MAPK8: variants seen among roughly 807,000 people sequenced by gnomAD.
MAPK8 encodes JUN N-terminal kinase.
In MAPK8, 13 loss-of-function variants were observed where a neutral mutation model predicts 52.9. That is an observed-to-expected ratio of 0.25 (90% CI 0.16 to 0.39). The LOEUF is 0.39. Ranked by LOEUF, MAPK8 falls within the 10% of genes least tolerant of loss-of-function variation. The probability of loss-of-function intolerance (pLI) is 1.00; values close to 1 mark genes in which losing one functional copy is unlikely to be tolerated. For missense variants in MAPK8, 300 were observed against 519.2 expected, an observed-to-expected ratio of 0.58 and a Z score of 4.10; for synonymous variants, 191 against 169.8, an observed-to-expected ratio of 1.12 and a Z score of -0.97.
rs188878689 is a variant in MAPK8 at position 48,386,026 on chromosome 10, G to A, written c.-49-15586G>A. On this transcript the variant is annotated intron_variant, in intron 1 of 11. Transcript: ENST00000374189. The stretch of plus-strand genomic sequence containing the variant: ...GATAAACTAGCAATAAGTATATGTG[G>A]TATCAACTAATATGAAAAAAATTAT... Among the ~76,000 whole-genome samples, 10 of 152,108 alleles carry A rather than the reference G, an allele frequency of 6.6e-5. No individual in the cohort carries two copies. The East Asian group carries it at 1.7e-3, about 26-fold the overall frequency.
intron 1 of MAPK8, among the ~76,000 whole-genome samples, chr10:48,309,435 A>G (rs1176428737): frequency 6.6e-6 from 1 of 152,236 alleles, no homozygotes; most frequent in Non-Finnish European, 1.5e-5. Context: ...CTCCTTTTAA[A>G]TGTCCTGTCC....
intron 1 of MAPK8, among the ~76,000 whole-genome samples, chr10:48,376,697 G>A (rs1393489235): frequency 6.6e-6 from 1 of 152,206 alleles, no homozygotes; most frequent in African/African-American, 2.4e-5. Context: ...TCTCACTCCA[G>A]TTAGAATGGC....
chr10:48,426,210 T>C, intron 8 of MAPK8, 140 bp downstream of exon 8: 1 of 918,436 alleles, frequency 1.1e-6, no homozygotes, highest in Admixed American at 3.5e-5. Context: ...AAAAATGAGG[T>C]TTTTGTTTTT....
At chr10:48,371,112 C>G (rs1165115924) in intron 1 of MAPK8, among the ~76,000 whole-genome samples, 1 of 152,066 alleles carries the variant, frequency 6.6e-6, no homozygotes, top group East Asian at 1.9e-4. Context: ...AACTGACTTT[C>G]TGAGAGTATG....
chr10:48,395,499 A>G (rs2041841663), intron 1 of MAPK8, among the ~76,000 whole-genome samples: 1 of 152,084 alleles, frequency 6.6e-6, no homozygotes, highest in African/African-American at 2.4e-5. Flanking sequence ...ATGATTTCTT[A>G]GACATACAGA....
intron 1 of MAPK8, among the ~76,000 whole-genome samples, chr10:48,321,321 A>G (rs1337564137): frequency 1.3e-5 from 2 of 152,034 alleles, no homozygotes; most frequent in African/African-American, 4.8e-5. Flanking sequence ...CCTGGGCTCA[A>G]GTGATCCTCC....
chr10:48,426,681 C>A, intron 9 of MAPK8, 177 bp downstream of exon 9: 1 of 620,382 alleles, frequency 1.6e-6, no homozygotes, highest in Non-Finnish European at 2.6e-6. Context: ...CGAGCCCCTC[C>A]TACACAAAAT....
At chr10:48,346,487 G>A (rs1036794018) in intron 1 of MAPK8, among the ~76,000 whole-genome samples, 3 of 152,240 alleles carry the variant, frequency 2.0e-5, no homozygotes, top group East Asian at 1.9e-4. Flanking sequence ...CAGGCGGATC[G>A]TGGTCCAGCA....
chr10:48,435,059 T>TCG lies in MAPK8; in HGVS notation c.*30_*31insCG. ...TTGGGCCATCGGGGGGTGGGAGGGA[T>TCG]GGGGAGTCGGTTAGTCATTGATAGA... On this transcript the variant is annotated 3_prime_UTR_variant, in exon 12 of 12. Coordinates refer to ENST00000374189, the MANE Select transcript of MAPK8 (RefSeq NM_001323329.2). The TCG allele has an allele frequency of 2.0e-5, 9 of 447,996 alleles. No individual in the cohort carries two copies. Among genetic ancestry groups the TCG allele is most frequent in the Non-Finnish European group, 3.9e-5 (9 of 230,980 alleles). The allele number at this position is 447,996 out of a possible 1,614,324, so 27.8% of individuals were successfully genotyped here.
At chr10:48,375,391 G>A (rs571750771) in intron 1 of MAPK8, among the ~76,000 whole-genome samples, 4 of 152,238 alleles carry the variant, frequency 2.6e-5, no homozygotes, top group African/African-American at 9.6e-5. Flanking sequence ...TCTGGCCAGG[G>A]CAATCAGGCA....
At chr10:48,401,487 A>T in intron 1 of MAPK8, 125 bp from the exon 2 acceptor site, 1 of 552,026 alleles carries the variant, frequency 1.8e-6, no homozygotes, top group Non-Finnish European at 3.2e-6. Flanking sequence ...TATGTTTTTT[A>T]ATGAAGCAGC....
intron 1 of MAPK8, among the ~76,000 whole-genome samples, chr10:48,359,303 A>T (rs564120955): frequency 1.1e-3 from 168 of 152,160 alleles, no homozygotes; most frequent in African/African-American, 3.9e-3. Context: ...TTCATTTTTT[A>T]AATTAATTTA....
At chr10:48,392,173 G>A (rs976590472) in intron 1 of MAPK8, among the ~76,000 whole-genome samples, 2 of 152,160 alleles carry the variant, frequency 1.3e-5, no homozygotes, top group Non-Finnish European at 2.9e-5. Context: ...TAGCCTTTCT[G>A]TGCAGCATTC....
Position 48,437,188 on chromosome 10 carries a change from A to G in MAPK8, c.*2159A>G, listed in dbSNP as rs1347919596. On this transcript the variant is annotated 3_prime_UTR_variant, in exon 12 of 12. Transcript: ENST00000374189. ...AACAAACTCTCATTACTTAGTGTAA[A>G]CTAAAATACTTAACAAATTATATCC... The G allele has an allele frequency of 6.6e-6, 1 of 152,254 alleles. No homozygotes were observed. The highest frequency in any genetic ancestry group is 1.9e-4 in the East Asian group (1 of 5,204). 9.4% of individuals were successfully genotyped at this position (152,254 alleles called of 1,614,324 possible). A position where few individuals can be genotyped will look rare whatever the true frequency, so the allele number is the denominator to read the frequency against.
At chr10:48,429,245 G>T (rs954574337) in intron 10 of MAPK8, among the ~76,000 whole-genome samples, 2 of 152,126 alleles carry the variant, frequency 1.3e-5, no homozygotes, top group African/African-American at 2.4e-5. Context: ...AACACCTTCG[G>T]TTGTACAGCA....
chr10:48,396,484 A>G (rs2041893726), intron 1 of MAPK8, among the ~76,000 whole-genome samples: 1 of 152,204 alleles, frequency 6.6e-6, no homozygotes, highest in South Asian at 2.1e-4. Context: ...GATCTTTCAC[A>G]CATTGCTGGT....
chr10:48,346,745 A>G (rs1357737784), intron 1 of MAPK8, among the ~76,000 whole-genome samples: 1 of 152,180 alleles, frequency 6.6e-6, no homozygotes, highest in Non-Finnish European at 1.5e-5. Context: ...TCTGCCTTCC[A>G]GATAGCAGTA....
chr10:48,311,391 G>T (rs1841973447), intron 1 of MAPK8, among the ~76,000 whole-genome samples: 1 of 152,082 alleles, frequency 6.6e-6, no homozygotes, highest in East Asian at 1.9e-4. Flanking sequence ...TTAACATTTG[G>T]ACCAGTAATC....
chr10:48,425,890 A>G lies in MAPK8; in HGVS notation c.691A>G (p.Ile231Val), dbSNP rs1402727389. 2.5e-6 allele frequency: 4 copies of G among 1,589,966 alleles called. No individual in the cohort carries two copies. Among genetic ancestry groups the G allele is most frequent in the Non-Finnish European group, 3.4e-6 (4 of 1,165,222 alleles). ...HKILFPGRDY[I>V]DQWNKVIEQL... ...TTTTCTTAGCTACTTGATATTAGAT[A>G]TTGATCAGTGGAATAAAGTTATTGA... The change falls in exon 8 of 12, where the codon ATT becomes GTT. Residue 231 changes from isoleucine (I) to valine (V), a missense_variant and splice_region_variant. Transcript: ENST00000374189.
Sources: allele counts gnomAD v4.1 joint callset (sites outside exome capture counted in the v4.1 genomes callset), GRCh38; gene constraint gnomAD v4.1.1; transcripts MANE v1.5; gene names NCBI Gene and HGNC (gene_info 2026-07-23, HGNC 2026-07-21).